The following DRC11 variants were observed in gnomAD, a reference collection of about 807,000 sequenced individuals.
The protein encoded by DRC11 is dynein regulatory complex subunit 11.
the DRC11 span, among the ~76,000 whole-genome samples, chr2:236,394,254 G>A: frequency 6.6e-6 from 1 of 152,206 alleles, no homozygotes; most frequent in African/African-American, 2.4e-5. This position sits in a 1 kb window ranked among gnomAD's most constrained non-coding sequence, Gnocchi z 7.0. Context: ...GCCAGTGCCT[G>A]CGTCTTTAGT....
the DRC11 span, chr2:236,503,821 G>T: frequency 1.1e-6 from 1 of 874,304 alleles, no homozygotes. This position sits in a 1 kb window ranked among gnomAD's most constrained non-coding sequence, Gnocchi z 4.9. Flanking sequence ...CCCCCACTTT[G>T]CGCTCAGCCC....
chr2:236,458,561 T>G, the DRC11 span, among the ~76,000 whole-genome samples: 1 of 152,136 alleles, frequency 6.6e-6, no homozygotes, highest in Non-Finnish European at 1.5e-5. Context: ...AATAAGTAAT[T>G]TGTGGGGCCC....
At chr2:236,368,469 GT>G in the DRC11 span, 1 of 580,348 alleles carries the variant, frequency 1.7e-6, no homozygotes, top group African/African-American at 1.9e-5. Context: ...TCAGATAAAG[GT>G]TTGAAGAAAA....
the DRC11 span, chr2:236,399,282 G>A: frequency 3.6e-5 from 28 of 783,202 alleles, no homozygotes; most frequent in Admixed American, 1.1e-4. This position sits in a 1 kb window ranked among gnomAD's most constrained non-coding sequence, Gnocchi z 7.0. Flanking sequence ...AAGCCACCTC[G>A]CCTGGCCAGG....
the DRC11 span, among the ~76,000 whole-genome samples, chr2:236,441,583 T>C: frequency 3.3e-5 from 5 of 152,340 alleles, no homozygotes; most frequent in Admixed American, 1.3e-4. Flanking sequence ...CTATGTTTTA[T>C]GGGTTGCAAA....
the DRC11 span, among the ~76,000 whole-genome samples, chr2:236,333,986 G>T: frequency 6.6e-6 from 1 of 152,090 alleles, no homozygotes; most frequent in Admixed American, 6.5e-5. This position sits in a 1 kb window ranked among gnomAD's most constrained non-coding sequence, Gnocchi z 6.0. Flanking sequence ...TAGGATACTT[G>T]GTGTTCACGG....
the DRC11 span, among the ~76,000 whole-genome samples, chr2:236,423,044 A>T: frequency 1.3e-5 from 2 of 151,168 alleles, no homozygotes; most frequent in African/African-American, 4.9e-5. Context: ...TTATACAAAA[A>T]TCAATTCAAG....
chr2:236,410,602 A>T, the DRC11 span, among the ~76,000 whole-genome samples: 1 of 150,974 alleles, frequency 6.6e-6, no homozygotes, highest in South Asian at 2.1e-4. Flanking sequence ...ATCCTAAGCC[A>T]AAAGAACAAA....
the DRC11 span, among the ~76,000 whole-genome samples, chr2:236,402,957 C>A: frequency 6.6e-6 from 1 of 152,326 alleles, no homozygotes; most frequent in African/African-American, 2.4e-5. This position sits in a 1 kb window ranked among gnomAD's most constrained non-coding sequence, Gnocchi z 6.0. Context: ...GTCTGTCTCT[C>A]TCTTTCCAGG....
At chr2:236,466,783 G>A in the DRC11 span, among the ~76,000 whole-genome samples, 1 of 152,160 alleles carries the variant, frequency 6.6e-6, no homozygotes, top group African/African-American at 2.4e-5. Context: ...CTCCAACACT[G>A]GGAATCACAT....
the DRC11 span, among the ~76,000 whole-genome samples, chr2:236,441,961 C>G: frequency 1.3e-5 from 2 of 151,984 alleles, no homozygotes; most frequent in African/African-American, 2.4e-5. Flanking sequence ...TCTGGCTGGG[C>G]GCAGTGTTTC....
the DRC11 span, among the ~76,000 whole-genome samples, chr2:236,440,759 C>T: frequency 6.6e-6 from 1 of 151,964 alleles, no homozygotes; most frequent in Non-Finnish European, 1.5e-5. Flanking sequence ...AAGCTGGGAC[C>T]AGAACACAAA....
At chr2:236,348,119 A>G in the DRC11 span, among the ~76,000 whole-genome samples, 1 of 152,250 alleles carries the variant, frequency 6.6e-6, no homozygotes, top group Non-Finnish European at 1.5e-5. This position sits in a 1 kb window ranked among gnomAD's most constrained non-coding sequence, Gnocchi z 7.4. Context: ...GCTCTCTAGT[A>G]GATCACAGCA....
At chr2:236,497,570 A>T in the DRC11 span, 1 of 907,802 alleles carries the variant, frequency 1.1e-6, no homozygotes, top group African/African-American at 1.7e-5. The surrounding 1 kb of genome is among the most constrained non-coding windows in gnomAD (Gnocchi z 5.1). Context: ...TGGTATAGCA[A>T]AATATAACAC....
At chr2:236,400,903 C>T in the DRC11 span, among the ~76,000 whole-genome samples, 1 of 152,180 alleles carries the variant, frequency 6.6e-6, no homozygotes, top group African/African-American at 2.4e-5. The surrounding 1 kb of genome is among the most constrained non-coding windows in gnomAD (Gnocchi z 7.9). Flanking sequence ...GCCGTGGAGG[C>T]TTTCCTGGGG....
chr2:236,338,530 T>C, the DRC11 span: 1 of 733,736 alleles, frequency 1.4e-6, no homozygotes, highest in South Asian at 1.9e-5. Context: ...TGTCCTGGGA[T>C]GGGTCTCGGA....
chr2:236,421,198 A>G, the DRC11 span, among the ~76,000 whole-genome samples: 1 of 152,248 alleles, frequency 6.6e-6, no homozygotes, highest in Admixed American at 6.5e-5. Context: ...CAGGCAAAAA[A>G]TAACTGAGAT....
chr2:236,476,039 G>C, the DRC11 span, among the ~76,000 whole-genome samples: 1 of 152,064 alleles, frequency 6.6e-6, no homozygotes, highest in Non-Finnish European at 1.5e-5. The surrounding 1 kb of genome is among the most constrained non-coding windows in gnomAD (Gnocchi z 4.7). Flanking sequence ...TTTTGCTCAG[G>C]ATTGTTTGGG....
chr2:236,428,670 A>G, the DRC11 span, among the ~76,000 whole-genome samples: 1 of 152,150 alleles, frequency 6.6e-6, no homozygotes, highest in South Asian at 2.1e-4. Flanking sequence ...TAGTTGGGTA[A>G]TTTAAAAAAA....
Sources: allele counts gnomAD v4.1 joint callset (sites outside exome capture counted in the v4.1 genomes callset), GRCh38; gene constraint gnomAD v4.1.1; non-coding constraint Gnocchi (gnomAD v3.1); transcripts MANE v1.5; gene names NCBI Gene and HGNC (gene_info 2026-07-23, HGNC 2026-07-21).